LRMDA: variants seen among roughly 807,000 people sequenced by gnomAD.
LRMDA encodes the protein leucine-rich melanocyte differentiation-associated protein.
In LRMDA, 18 loss-of-function variants were observed where a neutral mutation model predicts 29.8. That is an observed-to-expected ratio of 0.60 (90% CI 0.42 to 0.90). The LOEUF is 0.90. Among genes scored for constraint, LRMDA ranks in the 40% least tolerant of loss-of-function variants. LRMDA has a pLI of 0.00. For missense variants in LRMDA, 273 were observed against 273.9 expected, an observed-to-expected ratio of 1.00 and a Z score of 0.02; for synonymous variants, 125 against 109.4, an observed-to-expected ratio of 1.14 and a Z score of -0.89.
At chr10:76,199,544 G>T (rs1210613987) in intron 5 of LRMDA, among the ~76,000 whole-genome samples, 2 of 152,284 alleles carry the variant, frequency 1.3e-5, no homozygotes, top group East Asian at 1.9e-4. Flanking sequence ...GCAAGTATGT[G>T]CTACGTGGAG....
intron 2 of LRMDA, among the ~76,000 whole-genome samples, chr10:75,583,868 C>A (rs771337027): frequency 1.1e-4 from 16 of 152,172 alleles, no homozygotes; most frequent in Non-Finnish European, 1.6e-4. Flanking sequence ...CTGGTTCAGG[C>A]TGTCCTCCTG....
intron 5 of LRMDA, among the ~76,000 whole-genome samples, chr10:76,311,736 C>A (rs1840632321): frequency 6.6e-6 from 1 of 152,106 alleles, no homozygotes; most frequent in Non-Finnish European, 1.5e-5. Flanking sequence ...TCTTGTGATC[C>A]CCACAAATAT....
chr10:76,022,572 G>T (rs1469550258), intron 2 of LRMDA, among the ~76,000 whole-genome samples: 1 of 152,154 alleles, frequency 6.6e-6, no homozygotes, highest in Admixed American at 6.5e-5. Flanking sequence ...TAGCCTCAGG[G>T]CCCAGAGTGC....
At chr10:75,643,310 T>C (rs3815972) in intron 2 of LRMDA, among the ~76,000 whole-genome samples, 87,146 of 152,026 alleles carry the variant, frequency 0.57, 28,774 homozygotes, top group East Asian at 0.74. Context: ...CAGTATGACA[T>C]TGGAAAATAT....
intron 6 of LRMDA, among the ~76,000 whole-genome samples, chr10:76,505,305 G>A (rs1842947765): frequency 6.6e-6 from 1 of 151,886 alleles, no homozygotes; most frequent in Non-Finnish European, 1.5e-5. Flanking sequence ...ATCTTGTATA[G>A]TATTTTGCAG....
intron 2 of LRMDA, among the ~76,000 whole-genome samples, chr10:76,012,972 G>A (rs1015449271): frequency 1.2e-4 from 18 of 152,108 alleles, no homozygotes; most frequent in African/African-American, 3.6e-4. Flanking sequence ...CTTCAGAGAT[G>A]GAATGTATTT....
chr10:75,784,471 G>T (rs897603676), intron 2 of LRMDA, among the ~76,000 whole-genome samples: 1 of 152,070 alleles, frequency 6.6e-6, no homozygotes, highest in Non-Finnish European at 1.5e-5. Context: ...AGGCTGAGGC[G>T]GGAGGATCAC....
chr10:75,965,421 A>G (rs117808847), intron 2 of LRMDA, among the ~76,000 whole-genome samples: 3,460 of 152,318 alleles, frequency 0.023, 69 homozygotes, highest in Non-Finnish European at 0.037. Context: ...AATTATGAGA[A>G]TGTATCTTTA....
At position 76,324,358 on chromosome 10, in the gene LRMDA, G is replaced by A. The variant is rs760050260; in HGVS notation, c.517-43G>A. 4.6e-6 allele frequency: 7 copies of A among 1,525,490 alleles called. No individual in the cohort carries two copies. In the African/African-American group the frequency reaches 9.6e-5, roughly 21 times the overall value. The allele number at this position is 1,525,490 out of a possible 1,614,324, so 94.5% of individuals were successfully genotyped here. On this transcript the variant is annotated intron_variant, in intron 5 of 6. Coordinates refer to ENST00000611255, the MANE Select transcript of LRMDA (RefSeq NM_001305581.2). ...GGTAAATGAGGGTATTTGGTATTTGGTGTTTGGTGTTGCTTCATGTTGACT... is the reference window on the plus strand; with the variant it reads ...GGTAAATGAGGGTATTTGGTATTTGATGTTTGGTGTTGCTTCATGTTGACT...
At chr10:75,722,251 C>T (rs1365322490) in intron 2 of LRMDA, among the ~76,000 whole-genome samples, 3 of 151,972 alleles carry the variant, frequency 2.0e-5, no homozygotes, top group Non-Finnish European at 2.9e-5. Context: ...CATTCTGGTA[C>T]CAGAATGCAT....
chr10:75,471,880 C>T (rs375516794), intron 2 of LRMDA, among the ~76,000 whole-genome samples: 2 of 151,966 alleles, frequency 1.3e-5, no homozygotes, highest in African/African-American at 4.8e-5. Flanking sequence ...GAATGTGTCT[C>T]CCTGTGTCAG....
At chr10:75,578,236 A>AAAAAAAAAAAAAAAAAAAAAAC in intron 2 of LRMDA, among the ~76,000 whole-genome samples, 1 of 148,386 alleles carries the variant, frequency 6.7e-6, no homozygotes, top group Non-Finnish European at 1.5e-5. Context: ...AAAAAAAAAA[A>AAAAAAAAAAAAAAAAAAAAAAC]AAAGCAGCAG....
At chr10:76,456,170 G>C (rs1480812796) in intron 6 of LRMDA, among the ~76,000 whole-genome samples, 1 of 152,210 alleles carries the variant, frequency 6.6e-6, no homozygotes, top group Non-Finnish European at 1.5e-5. Context: ...CAAATAGCCA[G>C]ATTCAATTTC....
intron 5 of LRMDA, among the ~76,000 whole-genome samples, chr10:76,110,090 G>A (rs1046873194): frequency 6.6e-5 from 10 of 152,112 alleles, no homozygotes; most frequent in African/African-American, 2.4e-4. Context: ...CTGCCTTCTT[G>A]ACATGTCTCA....
intron 2 of LRMDA, among the ~76,000 whole-genome samples, chr10:75,916,193 T>TGTGTGTGTGTGTGG (rs72087365): frequency 0.015 from 2,094 of 140,104 alleles, 16 homozygotes; most frequent in South Asian, 0.024. Flanking sequence ...TGTGTGTGTG[T>TGTGTGTGTGTGTGG]GTGGGTGGGT....
intron 5 of LRMDA, among the ~76,000 whole-genome samples, chr10:76,278,303 G>A (rs1840160889): frequency 6.6e-6 from 1 of 152,148 alleles, no homozygotes; most frequent in South Asian, 2.1e-4. Flanking sequence ...GAAAAGTGAA[G>A]TGTTCCTCGG....
chr10:76,074,811 A>G (rs908893684), intron 5 of LRMDA, among the ~76,000 whole-genome samples: 6 of 152,130 alleles, frequency 3.9e-5, no homozygotes, highest in Non-Finnish European at 7.3e-5. Context: ...GAGGAGCTAC[A>G]TGTATTAGTC....
chr10:75,461,752 C>T (rs1263899107), intron 2 of LRMDA, among the ~76,000 whole-genome samples: 3 of 152,212 alleles, frequency 2.0e-5, no homozygotes, highest in South Asian at 4.1e-4. Context: ...CTGCAGAACA[C>T]CTCGTGGGGA....
chr10:76,508,199 C>G (rs1292823005), intron 6 of LRMDA, among the ~76,000 whole-genome samples: 1 of 152,122 alleles, frequency 6.6e-6, no homozygotes, highest in East Asian at 1.9e-4. Flanking sequence ...GGAAATCTGT[C>G]AGGTTTCTGA....
Sources: allele counts gnomAD v4.1 joint callset (sites outside exome capture counted in the v4.1 genomes callset), GRCh38; gene constraint gnomAD v4.1.1; transcripts MANE v1.5; gene names NCBI Gene and HGNC (gene_info 2026-07-23, HGNC 2026-07-21).